Variants in LRBA observed in about 807,000 individuals in gnomAD.
LRBA encodes lipopolysaccharide-responsive and beige-like anchor protein.
In LRBA, 176 loss-of-function variants were observed where a neutral mutation model predicts 330.0. That is an observed-to-expected ratio of 0.53 (90% CI 0.47 to 0.60). LRBA has a LOEUF of 0.60. LRBA is among the 20% of genes least tolerant of loss of function. The pLI, the probability that LRBA is intolerant of heterozygous loss-of-function variation, is 0.00. For missense variants in LRBA, 3,259 were observed against 3,444.8 expected (o/e 0.95, Z 1.35); for synonymous variants, 1,230 against 1,193.0 (o/e 1.03, Z -0.64).
At chr4:150,784,440 C>T (rs566066088) in intron 34 of LRBA, among the ~76,000 whole-genome samples, 2 of 152,172 alleles carry the variant, frequency 1.3e-5, no homozygotes, top group Non-Finnish European at 2.9e-5. Context: ...CCCACATGAT[C>T]CTGGCAACAC....
chr4:150,427,566 C>T (rs960069790), intron 46 of LRBA, among the ~76,000 whole-genome samples: 5 of 151,584 alleles, frequency 3.3e-5, no homozygotes, highest in African/African-American at 1.2e-4. Flanking sequence ...AGAAGAGAGG[C>T]TGGCAAAAAA....
chr4:150,871,256 A>C (rs1283955098), intron 19 of LRBA, 89 bp downstream of exon 19: 2 of 721,312 alleles, frequency 2.8e-6, no homozygotes, highest in Non-Finnish European at 4.8e-6. Flanking sequence ...AAATAAAATA[A>C]AAATAAATGA....
In LRBA at chr4:150,906,366, G is replaced by A. The variant is rs1471493918; in HGVS notation, c.1533C>T (p.Asn511=). Residue 511 remains asparagine, a synonymous_variant, in exon 12 of 57, where the codon AAC becomes AAT. Transcript: ENST00000651943. ...GCATCTGTTCCTGCATAGCAATTGAGTTCTTCAACAATTCCATGATAAAGG... is the reference window on the plus strand; with the variant it reads ...GCATCTGTTCCTGCATAGCAATTGAATTCTTCAACAATTCCATGATAAAGG... ...LLAFIMELLK[N]SIAMQEQMLA... is the part of the protein sequence containing the mutation. 1 of 1,611,784 alleles carries A rather than the reference G, an allele frequency of 6.2e-7. No individual in the cohort carries two copies. The highest frequency in any genetic ancestry group is 1.1e-5 in the South Asian group (1 of 90,786).
intron 30 of LRBA, among the ~76,000 whole-genome samples, chr4:150,826,992 G>A (rs1746373744): frequency 6.6e-6 from 1 of 152,134 alleles, no homozygotes; most frequent in Non-Finnish European, 1.5e-5. Flanking sequence ...AACTAATCAA[G>A]GAAATCATGA....
At chr4:150,345,088 C>T (rs1736106442) in intron 48 of LRBA, among the ~76,000 whole-genome samples, 1 of 152,204 alleles carries the variant, frequency 6.6e-6, no homozygotes, top group South Asian at 2.1e-4. Flanking sequence ...CTCTGGAAAA[C>T]ATGCCTGGAT....
intron 36 of LRBA, among the ~76,000 whole-genome samples, chr4:150,732,155 A>C (rs1730537238): frequency 6.6e-6 from 1 of 152,104 alleles, no homozygotes; most frequent in Non-Finnish European, 1.5e-5. Flanking sequence ...TTCAGAAAAT[A>C]ATTTTCCTTT....
At chr4:150,408,644 T>G (rs1746526856) in intron 47 of LRBA, among the ~76,000 whole-genome samples, 1 of 152,094 alleles carries the variant, frequency 6.6e-6, no homozygotes, top group East Asian at 1.9e-4. Flanking sequence ...TCAAAAGTAG[T>G]AATTCCTCAA....
chr4:150,845,825 G>A (rs1749771733), intron 26 of LRBA, among the ~76,000 whole-genome samples: 2 of 152,136 alleles, frequency 1.3e-5, no homozygotes, highest in Non-Finnish European at 2.9e-5. Context: ...TATCAAATTT[G>A]CTATCAGACC....
At chr4:150,804,355 A>G (rs886251172) in intron 33 of LRBA, among the ~76,000 whole-genome samples, 5 of 152,194 alleles carry the variant, frequency 3.3e-5, no homozygotes, top group Admixed American at 6.5e-5. Context: ...ATTTACATCT[A>G]TAGAAGAGAT....
chr4:150,592,154 T>TTC (rs1394175032), intron 38 of LRBA, among the ~76,000 whole-genome samples: 5 of 142,398 alleles, frequency 3.5e-5, no homozygotes, highest in Admixed American at 2.1e-4. Context: ...GTTTTTTTTT[T>TTC]TTTTTTTTTT....
chr4:150,277,487 A>G (rs1746936940), intron 56 of LRBA, among the ~76,000 whole-genome samples: 2 of 152,138 alleles, frequency 1.3e-5, no homozygotes, highest in African/African-American at 4.8e-5. Flanking sequence ...TGCTACTTAA[A>G]TTCTGTCTAT....
chr4:150,954,681 T>C (rs967883843), intron 2 of LRBA, among the ~76,000 whole-genome samples: 1 of 149,120 alleles, frequency 6.7e-6, no homozygotes, highest in African/African-American at 2.6e-5. Context: ...TGTTCACATG[T>C]TTATCTGCTG....
chr4:150,317,777 A>ACTGAC (rs1731907224), intron 50 of LRBA, among the ~76,000 whole-genome samples: 1 of 152,170 alleles, frequency 6.6e-6, no homozygotes, highest in Admixed American at 6.6e-5. Context: ...TACTTCTGCC[A>ACTGAC]CTGACTGGCT....
intron 31 of LRBA, among the ~76,000 whole-genome samples, chr4:150,815,863 CTTTCTT>C (rs1366352966): frequency 6.6e-6 from 1 of 151,852 alleles, no homozygotes; most frequent in Non-Finnish European, 1.5e-5. Context: ...TTGCATATAA[CTTTCTT>C]TTACTTAACC....
In LRBA at chr4:150,639,347, A is replaced by G. The variant is rs1395235348; in HGVS notation, c.5922-40216T>C. Among the ~76,000 whole-genome samples the G allele has an allele frequency of 5.2e-5, 6 of 115,106 alleles. No individual in the cohort carries two copies. In the Admixed American group the frequency reaches 6.2e-4, roughly 12 times the overall value. 75.5% of individuals were successfully genotyped at this position (115,106 alleles called of 152,430 possible). A position where few individuals can be genotyped will look rare whatever the true frequency, so the allele number is the denominator to read the frequency against. On this transcript the variant is annotated intron_variant, in intron 37 of 56. Coordinates refer to ENST00000651943, the MANE Select transcript of LRBA (RefSeq NM_001364905.1). ...GCACAATGTGCACATGTACCCTAAAACTTAAAGTATAATAAAAAAAAAAAA... is the reference window on the plus strand; with the variant it reads ...GCACAATGTGCACATGTACCCTAAAGCTTAAAGTATAATAAAAAAAAAAAA...
chr4:150,334,803 A>C (rs1734431733), intron 48 of LRBA, among the ~76,000 whole-genome samples: 1 of 149,688 alleles, frequency 6.7e-6, no homozygotes, highest in African/African-American at 2.5e-5. Flanking sequence ...TTGGTATATC[A>C]TTATTAAGTT....
intron 54 of LRBA, among the ~76,000 whole-genome samples, chr4:150,284,655 C>A (rs566962420): frequency 6.6e-6 from 1 of 152,216 alleles, no homozygotes; most frequent in South Asian, 2.1e-4. Context: ...CCTTCCCAAG[C>A]AGCTGGGACT....
chr4:150,637,808 C>G (rs1300551205), intron 37 of LRBA, among the ~76,000 whole-genome samples: 1 of 152,166 alleles, frequency 6.6e-6, no homozygotes, highest in African/African-American at 2.4e-5. Context: ...GAGGAAACAG[C>G]TAAATAGTGC....
At chr4:150,613,644 G>A (rs1418289004) in intron 37 of LRBA, among the ~76,000 whole-genome samples, 1 of 152,178 alleles carries the variant, frequency 6.6e-6, no homozygotes, top group Non-Finnish European at 1.5e-5. Context: ...ACCATGGGTA[G>A]TTACAAAACC....
Sources: allele counts gnomAD v4.1 joint callset (sites outside exome capture counted in the v4.1 genomes callset), GRCh38; gene constraint gnomAD v4.1.1; transcripts MANE v1.5; gene names NCBI Gene and HGNC (gene_info 2026-07-23, HGNC 2026-07-21).